The following HS3ST6 variants were observed in gnomAD, a reference collection of about 807,000 sequenced individuals.
The protein encoded by HS3ST6 is heparan sulfate-glucosamine 3-sulfotransferase 6.
In HS3ST6, 13 loss-of-function variants were observed where a neutral mutation model predicts 11.0. The observed-to-expected ratio is 1.18, with a 90% CI of 0.77 to 1.88. The LOEUF (loss-of-function observed/expected upper bound fraction) is 1.88, where lower values mean the gene tolerates loss of function less well. HS3ST6 is among the 40% of genes most tolerant of loss of function. HS3ST6 has a pLI of 0.00. For missense variants in HS3ST6, 541 were observed against 494.4 expected, an observed-to-expected ratio of 1.09 and a Z score of -0.89; for synonymous variants, 232 against 230.6, an observed-to-expected ratio of 1.01 and a Z score of -0.06.
chr16:1,914,022 C>T (rs1042349859), intron 1 of HS3ST6, among the ~76,000 whole-genome samples: 5 of 152,190 alleles, frequency 3.3e-5, no homozygotes. Context: ...AGTCCTCCTC[C>T]GTCTTGGTGA....
At chr16:1,918,465 CG>C (rs1251946170), upstream of HS3ST6, 3 of 158,322 alleles carry the variant, frequency 1.9e-5, no homozygotes, top group Non-Finnish European at 4.1e-5. The surrounding 1 kb of genome is among the most constrained non-coding windows in gnomAD (Gnocchi z 6.0). Context: ...GGGGCGGGAC[CG>C]GGGGCGGGGT....
Position 1,911,545 on chromosome 16 carries a change from G to A in HS3ST6, c.*45C>T. The A allele has an allele frequency of 6.6e-7, 1 of 1,517,550 alleles. No homozygotes were observed. The highest frequency in any genetic ancestry group is 1.3e-5 in the South Asian group (1 of 79,550). 94.0% of individuals were successfully genotyped at this position (1,517,550 alleles called of 1,614,324 possible). A position where few individuals can be genotyped will look rare whatever the true frequency, so the allele number is the denominator to read the frequency against. ...TGTGCACGCAGCCCGCTCTGGCCAG[G>A]CGAGCGGGTGTCAATCAAGGTGCTG... is the stretch of plus-strand genomic sequence containing the variant. On this transcript the variant is annotated 3_prime_UTR_variant, in exon 2 of 2. Coordinates refer to ENST00000454677, the MANE Select transcript of HS3ST6 (RefSeq NM_001009606.4).
chr16:1,918,682 G>C (rs566235052), upstream of HS3ST6, among the ~76,000 whole-genome samples: 3 of 151,830 alleles, frequency 2.0e-5, no homozygotes, highest in African/African-American at 7.3e-5. This position sits in a 1 kb window ranked among gnomAD's most constrained non-coding sequence, Gnocchi z 6.0. Flanking sequence ...GGCGGTGGCC[G>C]TTCGGGACGC....
At chr16:1,917,197 TG>T (rs2082931917) in intron 1 of HS3ST6, among the ~76,000 whole-genome samples, 2 of 152,284 alleles carry the variant, frequency 1.3e-5, no homozygotes, top group African/African-American at 4.8e-5. Flanking sequence ...ACTCCCCAAC[TG>T]GCCTTGGGCA....
intron 1 of HS3ST6, among the ~76,000 whole-genome samples, chr16:1,916,861 G>T (rs1055064670): frequency 1.3e-5 from 2 of 150,542 alleles, no homozygotes; most frequent in Non-Finnish European, 3.0e-5. Context: ...CCTGCCTGCC[G>T]TCAGGGGAGT....
In HS3ST6 at chr16:1,912,097, C is replaced by T. The variant is rs781387576; in HGVS notation, c.522G>A (p.Thr174=). 3.3e-6 allele frequency: 5 copies of T among 1,507,436 alleles called. No individual in the cohort carries two copies. Among genetic ancestry groups the T allele is most frequent in the South Asian group, 2.7e-5 (2 of 73,776 alleles). 93.4% of individuals were successfully genotyped at this position (1,507,436 alleles called of 1,614,324 possible). The change falls in exon 2 of 2, where the codon ACG becomes ACA. Residue 174 remains threonine, a synonymous_variant. Coordinates refer to ENST00000454677, the MANE Select transcript of HS3ST6 (RefSeq NM_001009606.4). This position sits in a 1 kb window ranked among gnomAD's most constrained non-coding sequence, Gnocchi z 5.6. ...PRRIHAMSPD[T]KLIVVVRNPV... ...GGTTCCGCACCACCACGATCAGCTT[C>T]GTGTCCGGGGACATGGCGTGGATGC...
At chr16:1,913,949 G>A (rs2082909226) in intron 1 of HS3ST6, among the ~76,000 whole-genome samples, 1 of 152,130 alleles carries the variant, frequency 6.6e-6, no homozygotes, top group Non-Finnish European at 1.5e-5. Flanking sequence ...GGGCGGCACG[G>A]GAGCCTTCCC....
Position 1,912,476 on chromosome 16 carries a change from G to A in HS3ST6, c.414-271C>T, listed in dbSNP as rs145142647. The stretch of plus-strand genomic sequence containing the variant: ...CTGCTGCACTGAGGATTAGGGTGAC[G>A]GTCGCTGGTCGGGAGGCCCAAATGC... On this transcript the variant is annotated intron_variant, in intron 1 of 1. Transcript: ENST00000454677. This position sits in a 1 kb window ranked among gnomAD's most constrained non-coding sequence, Gnocchi z 5.6. Among the ~76,000 whole-genome samples the A allele has an allele frequency of 3.9e-5, 6 of 152,204 alleles. No individual in the cohort carries two copies. The highest frequency in any genetic ancestry group is 2.1e-4 in the South Asian group (1 of 4,818).
At chr16:1,916,728 C>G (rs370498409) in intron 1 of HS3ST6, among the ~76,000 whole-genome samples, 1 of 151,598 alleles carries the variant, frequency 6.6e-6, no homozygotes, top group Non-Finnish European at 1.5e-5. Context: ...AGCCCTTTCT[C>G]CCCTTCCCCC....
chr16:1,914,392 G>A (rs1175911354), intron 1 of HS3ST6, among the ~76,000 whole-genome samples: 1 of 152,172 alleles, frequency 6.6e-6, no homozygotes, highest in Non-Finnish European at 1.5e-5. Context: ...ACGGGACCTC[G>A]CTGACGATGC....
At position 1,918,085 on chromosome 16, in the gene HS3ST6, G is replaced by A. The variant is rs1483500607; in HGVS notation, c.239C>T (p.Pro80Leu). The change falls in exon 1 of 2, where the codon CCT becomes CTT. Residue 80 changes from proline to leucine, a missense_variant. Transcript: ENST00000454677. This position sits in a 1 kb window ranked among gnomAD's most constrained non-coding sequence, Gnocchi z 6.0. Reference sequence around the variant, plus strand: ...CCGGCGGCCGGGACCGCTGGCCAAAGGCAGGCCGGGTGCTCCCGGGCGGTG... The same window carrying A: ...CCGGCGGCCGGGACCGCTGGCCAAAAGCAGGCCGGGTGCTCCCGGGCGGTG... ...SVHRPGAPGL[P>L]LASGPGRRRF... 3.3e-6 allele frequency: 5 copies of A among 1,495,776 alleles called. No individual in the cohort carries two copies. Among genetic ancestry groups the A allele is most frequent in the African/African-American group, 2.9e-5 (2 of 69,026 alleles). The allele number at this position is 1,495,776 out of a possible 1,614,324, so 92.7% of individuals were successfully genotyped here.
rs540120863 is a variant in HS3ST6 at position 1,912,487 on chromosome 16, G to A, written c.414-282C>T. 4.6e-5 allele frequency among the ~76,000 whole-genome samples: 7 copies of A among 152,242 alleles called. No individual in the cohort carries two copies. In the East Asian group the frequency reaches 9.7e-4, roughly 21 times the overall value. ...AGGATTAGGGTGACGGTCGCTGGTC[G>A]GGAGGCCCAAATGCTCCTCACCACC... On this transcript the variant is annotated intron_variant, in intron 1 of 1. Transcript: ENST00000454677. This position sits in a 1 kb window ranked among gnomAD's most constrained non-coding sequence, Gnocchi z 5.6.
At chr16:1,920,469 G>A (rs527322798), upstream of HS3ST6, among the ~76,000 whole-genome samples, 21 of 151,700 alleles carry the variant, frequency 1.4e-4, no homozygotes, top group African/African-American at 4.1e-4. Flanking sequence ...CCATCCCCAC[G>A]GTCTCAGCAG....
intron 1 of HS3ST6, among the ~76,000 whole-genome samples, chr16:1,913,231 C>G (rs928326974): frequency 4.6e-5 from 7 of 152,246 alleles, no homozygotes; most frequent in Non-Finnish European, 1.0e-4. Flanking sequence ...GGATCCTTCC[C>G]AAGACCCTGG....
intron 1 of HS3ST6, among the ~76,000 whole-genome samples, chr16:1,913,573 G>A (rs1231077643): frequency 6.6e-6 from 1 of 152,202 alleles, no homozygotes; most frequent in East Asian, 1.9e-4. Context: ...TGGGAACTAG[G>A]TCGATAGAAA....
upstream of HS3ST6, among the ~76,000 whole-genome samples, chr16:1,919,174 T>C (rs2082947493): frequency 6.6e-6 from 1 of 152,204 alleles, no homozygotes; most frequent in East Asian, 1.9e-4. Context: ...TTGGTCCACC[T>C]GGCACTGCCC....
chr16:1,912,516 A>T lies in HS3ST6; in HGVS notation c.414-311T>A, dbSNP rs2082898206. 6.6e-6 allele frequency among the ~76,000 whole-genome samples: 1 copy of T among 151,900 alleles called. No homozygotes were observed. Among genetic ancestry groups the T allele is most frequent in the Non-Finnish European group, 1.5e-5 (1 of 67,964 alleles). ...GGCCCAAATGCTCCTCACCACCCAC[A>T]TATCTTCCCTGTGCAATCCCTGCCG... On this transcript the variant is annotated intron_variant, in intron 1 of 1. Transcript: ENST00000454677. This position sits in a 1 kb window ranked among gnomAD's most constrained non-coding sequence, Gnocchi z 5.6.
intron 1 of HS3ST6, among the ~76,000 whole-genome samples, chr16:1,917,528 G>A (rs912750816): frequency 3.3e-5 from 5 of 152,156 alleles, no homozygotes; most frequent in African/African-American, 1.2e-4. Context: ...CCTGGCCAGC[G>A]GTCGGTCACA....
At position 1,916,033 on chromosome 16, in the gene HS3ST6, GA is replaced by G. The variant is rs552831423; in HGVS notation, c.413+1877del. Among the ~76,000 whole-genome samples the G allele has an allele frequency of 4.9e-3, 748 of 152,302 alleles. 3 individuals carry two copies. The highest frequency in any genetic ancestry group is 0.017 in the African/African-American group (704 of 41,564). ...GGCCCAGTCCAGGGTCTCAAGAGCA[GA>G]CAATGCTGCCTTGCAGTTGGGGAAA... On this transcript the variant is annotated intron_variant, in intron 1 of 1. Transcript: ENST00000454677.
Sources: allele counts gnomAD v4.1 joint callset (sites outside exome capture counted in the v4.1 genomes callset), GRCh38; gene constraint gnomAD v4.1.1; non-coding constraint Gnocchi (gnomAD v3.1); transcripts MANE v1.5; gene names NCBI Gene and HGNC (gene_info 2026-07-23, HGNC 2026-07-21).